The following ATP13A4 variants were observed in gnomAD, a reference collection of about 807,000 sequenced individuals.
The protein encoded by ATP13A4 is ATPase 13A4, also known as probable cation-transporting ATPase 13A4.
Under a neutral mutation model 142.5 loss-of-function variants are expected in ATP13A4, and 114 were observed. The ratio of observed to expected loss-of-function variants is 0.80; its 90% confidence interval spans 0.69 to 0.93. The LOEUF is 0.93. ATP13A4 is among the 40% of genes least tolerant of loss of function. The pLI, the probability that ATP13A4 is intolerant of heterozygous loss-of-function variation, is 0.00. For synonymous variants in ATP13A4, 488 were observed against 514.8 expected (o/e 0.95, Z 0.70); for missense variants, 1,392 against 1,454.0 (o/e 0.96, Z 0.69).
chr3:193,585,846 C>A (rs748583134), intron 1 of ATP13A4, among the ~76,000 whole-genome samples: 19 of 152,106 alleles, frequency 1.2e-4, no homozygotes, highest in Non-Finnish European at 2.4e-4. Flanking sequence ...CTAGATAAAT[C>A]CCTGAGAGTG....
Position 193,422,565 on chromosome 3 carries a change from A to T in ATP13A4, c.2843-7815T>A, listed in dbSNP as rs980078778. 3.3e-5 allele frequency among the ~76,000 whole-genome samples: 5 copies of T among 149,792 alleles called. 1 individual carries two copies. The highest frequency in any genetic ancestry group is 4.9e-5 in the African/African-American group (2 of 40,828). On this transcript the variant is annotated intron_variant, in intron 25 of 29. Transcript: ENST00000342695. ...CACAATAATATGAAACTATAAATCA[A>T]TGACAGGAGGACCTTCAGAAACTAT...
chr3:193,589,518 C>G (rs1577092352), intron 1 of ATP13A4, among the ~76,000 whole-genome samples: 1 of 152,148 alleles, frequency 6.6e-6, no homozygotes, highest in African/African-American at 2.4e-5. Context: ...ACCTTCCTTT[C>G]TGAAAATTTC....
At chr3:193,517,762 C>T (rs1721505089) in intron 1 of ATP13A4, among the ~76,000 whole-genome samples, 1 of 152,316 alleles carries the variant, frequency 6.6e-6, no homozygotes, top group African/African-American at 2.4e-5. Context: ...GGAGCCACCA[C>T]GCCCGGCCTA....
At position 193,457,905 on chromosome 3, in the gene ATP13A4, G is replaced by A. The variant is rs550773613; in HGVS notation, c.1675-440C>T. 7.2e-5 allele frequency among the ~76,000 whole-genome samples: 11 copies of A among 152,324 alleles called. No homozygotes were observed. The South Asian group carries it at 1.7e-3, about 23-fold the overall frequency. On this transcript the variant is annotated intron_variant, in intron 14 of 29. Coordinates refer to ENST00000342695, the MANE Select transcript of ATP13A4 (RefSeq NM_032279.4). The stretch of plus-strand genomic sequence containing the variant: ...CTCAGGGCTGGGGTAGGGCAGGGCA[G>A]AGACTGTGATATACATGGTTAATAA...
rs927169596 is a variant in ATP13A4, at chr3:193,423,069, G to A, written c.2843-8319C>T. Among the ~76,000 whole-genome samples, 41 of 149,642 alleles carry A rather than the reference G, an allele frequency of 2.7e-4. 2 individuals carry two copies. Among genetic ancestry groups the A allele is most frequent in the African/African-American group, 9.8e-4 (40 of 40,760 alleles). ...AACACAGAAATACAAAGTATCATAA[G>A]AGACTATTATGAACAACTGTATGCC... On this transcript the variant is annotated intron_variant, in intron 25 of 29. Coordinates refer to ENST00000342695, the MANE Select transcript of ATP13A4 (RefSeq NM_032279.4).
intron 1 of ATP13A4, among the ~76,000 whole-genome samples, chr3:193,551,857 T>A (rs937029344): frequency 6.6e-6 from 1 of 152,252 alleles, no homozygotes; most frequent in African/African-American, 2.4e-5. Flanking sequence ...CAAAAGCTTC[T>A]TTCTACCTTT....
chr3:193,489,994 G>A (rs912648232), intron 6 of ATP13A4, 130 bp from the exon 7 acceptor site: 25 of 1,071,832 alleles, frequency 2.3e-5, no homozygotes, highest in South Asian at 3.0e-5. Flanking sequence ...ATATTTATTC[G>A]GCAATTGACA....
chr3:193,530,799 G>A (rs1722272138), intron 1 of ATP13A4, among the ~76,000 whole-genome samples: 1 of 152,160 alleles, frequency 6.6e-6, no homozygotes, highest in Admixed American at 6.5e-5. Flanking sequence ...AAACCAGAAT[G>A]GTTAGGCACA....
intron 22 of ATP13A4, 98 bp downstream of exon 22, chr3:193,438,925 G>T: frequency 7.9e-7 from 1 of 1,273,316 alleles, no homozygotes; most frequent in Non-Finnish European, 1.2e-6. Flanking sequence ...GAGTATAAAT[G>T]AATGTGAGAT....
chr3:193,438,678 T>C (rs1716447175), intron 22 of ATP13A4, 94 bp from the exon 23 acceptor site: 1 of 1,080,506 alleles, frequency 9.3e-7, no homozygotes. Flanking sequence ...GGCCACAAGG[T>C]GGTTTGTGTG....
At chr3:193,453,101 T>A (rs544561631) in intron 17 of ATP13A4, among the ~76,000 whole-genome samples, 1 of 152,328 alleles carries the variant, frequency 6.6e-6, no homozygotes, top group South Asian at 2.1e-4. Context: ...TATACACAGG[T>A]ACAAGCAACT....
At chr3:193,411,955 C>A (rs776848301) in intron 27 of ATP13A4, among the ~76,000 whole-genome samples, 1 of 152,002 alleles carries the variant, frequency 6.6e-6, no homozygotes, top group Non-Finnish European at 1.5e-5. Flanking sequence ...AAACTTCTGG[C>A]GAAGGAAAGG....
At chr3:193,446,708 A>T (rs746383760) in intron 18 of ATP13A4, among the ~76,000 whole-genome samples, 2 of 152,144 alleles carry the variant, frequency 1.3e-5, no homozygotes, top group Non-Finnish European at 2.9e-5. Context: ...AAAAATAAAA[A>T]TTTTTCTAAA....
At chr3:193,552,842 A>G (rs1159436806) in intron 1 of ATP13A4, among the ~76,000 whole-genome samples, 1 of 152,256 alleles carries the variant, frequency 6.6e-6, no homozygotes, top group East Asian at 1.9e-4. Flanking sequence ...GAATCACAGC[A>G]TCTACCTCAT....
At chr3:193,545,817 G>A (rs1005841214) in intron 1 of ATP13A4, among the ~76,000 whole-genome samples, 4 of 151,892 alleles carry the variant, frequency 2.6e-5, no homozygotes, top group Non-Finnish European at 5.9e-5. Flanking sequence ...CACAACAACT[G>A]CCATAAATTT....
chr3:193,447,140 C>T (rs933643787), intron 18 of ATP13A4, among the ~76,000 whole-genome samples: 1 of 152,134 alleles, frequency 6.6e-6, no homozygotes, highest in Non-Finnish European at 1.5e-5. Context: ...AGGAGGAACA[C>T]TTGTACATAA....
chr3:193,503,044 G>T (rs939944772), intron 2 of ATP13A4, among the ~76,000 whole-genome samples: 1 of 151,906 alleles, frequency 6.6e-6, no homozygotes, highest in African/African-American at 2.4e-5. Context: ...GGGCAGGGGG[G>T]GGAACTATCA....
intron 1 of ATP13A4, among the ~76,000 whole-genome samples, chr3:193,584,839 A>G (rs1164294206): frequency 1.3e-5 from 2 of 152,138 alleles, no homozygotes; most frequent in Admixed American, 1.3e-4. Flanking sequence ...ACACATGCAA[A>G]TCTACAATTT....
intron 14 of ATP13A4, 60 bp from the exon 15 acceptor site, chr3:193,457,525 T>C (rs1717699693): frequency 6.6e-7 from 1 of 1,503,934 alleles, no homozygotes; most frequent in South Asian, 1.1e-5. Context: ...CCACTGATGC[T>C]ATGCTTGAAC....
Sources: gnomAD v4.1 joint callset for allele counts (sites outside exome capture counted in the v4.1 genomes callset) on GRCh38, gnomAD v4.1.1 for gene constraint, MANE v1.5 for transcripts, NCBI Gene and HGNC (gene_info 2026-07-23, HGNC 2026-07-21) for gene names.